DGKB: variants seen among roughly 807,000 people sequenced by gnomAD.
The protein encoded by DGKB is diacylglycerol kinase beta.
DGKB carries 67 observed loss-of-function variants against 114.3 expected under a neutral mutation model. The ratio of observed to expected loss-of-function variants is 0.59; its 90% CI spans 0.48 to 0.72. The LOEUF (loss-of-function observed/expected upper bound fraction) is 0.72, where lower values mean the gene tolerates loss of function less well. Ranked by LOEUF, DGKB falls within the 30% of genes least tolerant of loss-of-function variation. The pLI, the probability that DGKB is intolerant of heterozygous loss-of-function variation, is 0.00. For missense variants in DGKB, 907 were observed against 975.2 expected (o/e 0.93, Z 0.93); for synonymous variants, 398 against 323.1 (o/e 1.23, Z -2.49).
intron 12 of DGKB, among the ~76,000 whole-genome samples, chr7:14,675,308 G>A (rs1483991038): frequency 1.3e-5 from 2 of 152,060 alleles, no homozygotes; most frequent in African/African-American, 4.8e-5. Flanking sequence ...CTCCATCCAT[G>A]TGTTTCCAAC....
intron 23 of DGKB, among the ~76,000 whole-genome samples, chr7:14,289,744 CAAA>C (rs3067647): frequency 0.74 from 93,542 of 126,848 alleles, 33,536 homozygotes; most frequent in South Asian, 0.89. Flanking sequence ...AGACATGGAC[CAAA>C]AAAAAAAAAA....
At chr7:14,287,666 C>A (rs1263168453) in intron 23 of DGKB, among the ~76,000 whole-genome samples, 1 of 152,072 alleles carries the variant, frequency 6.6e-6, no homozygotes, top group Admixed American at 6.6e-5. Flanking sequence ...AGACTTCAAT[C>A]AAAGCTTTAA....
At chr7:14,284,394 C>G (rs898522938) in intron 23 of DGKB, among the ~76,000 whole-genome samples, 9 of 144,306 alleles carry the variant, frequency 6.2e-5, no homozygotes, top group Admixed American at 2.7e-4. Flanking sequence ...GAAATAGGAA[C>G]ACTTTTACAC....
At chr7:14,323,901 T>C (rs958902455) in intron 23 of DGKB, among the ~76,000 whole-genome samples, 5 of 152,188 alleles carry the variant, frequency 3.3e-5, no homozygotes, top group African/African-American at 1.2e-4. Context: ...CTATTAGCCT[T>C]AGAAAACAAC....
chr7:14,472,227 G>T (rs779165093), intron 21 of DGKB, among the ~76,000 whole-genome samples: 1 of 152,144 alleles, frequency 6.6e-6, no homozygotes, highest in African/African-American at 2.4e-5. Context: ...TCCACATGTT[G>T]TGTGAGGTAC....
At chr7:14,293,449 TG>T (rs1191522912) in intron 23 of DGKB, among the ~76,000 whole-genome samples, 1 of 152,194 alleles carries the variant, frequency 6.6e-6, no homozygotes, top group Non-Finnish European at 1.5e-5. Flanking sequence ...AACATACCTG[TG>T]TCTGATTTAT....
chr7:14,793,023 C>T (rs942174320), intron 2 of DGKB, among the ~76,000 whole-genome samples: 2 of 152,028 alleles, frequency 1.3e-5, no homozygotes, highest in African/African-American at 2.4e-5. Flanking sequence ...CAAAAAAAGT[C>T]GTCTGAGGCA....
intron 23 of DGKB, among the ~76,000 whole-genome samples, chr7:14,258,023 T>G (rs772659662): frequency 5.9e-5 from 9 of 152,222 alleles, no homozygotes; most frequent in Non-Finnish European, 1.2e-4. Flanking sequence ...CCAATCAATG[T>G]GTCTGGCCTA....
At chr7:14,958,583 T>C (rs565787409) in intron 1 of DGKB, among the ~76,000 whole-genome samples, 1 of 152,162 alleles carries the variant, frequency 6.6e-6, no homozygotes, top group East Asian at 1.9e-4. Context: ...TATGACCAAA[T>C]GTCCCAAAAA....
At chr7:14,732,430 A>T (rs1244066964) in intron 5 of DGKB, among the ~76,000 whole-genome samples, 3 of 152,168 alleles carry the variant, frequency 2.0e-5, no homozygotes, top group African/African-American at 7.2e-5. Context: ...GCAAAGCAAG[A>T]TTCTATGAAT....
At chr7:14,297,317 C>A (rs888695277) in intron 23 of DGKB, among the ~76,000 whole-genome samples, 2 of 152,122 alleles carry the variant, frequency 1.3e-5, no homozygotes, top group African/African-American at 4.8e-5. Flanking sequence ...AAAATACTGG[C>A]AAACCAAATC....
chr7:14,290,171 GC>G (rs1404757436), intron 23 of DGKB, among the ~76,000 whole-genome samples: 1 of 152,132 alleles, frequency 6.6e-6, no homozygotes, highest in African/African-American at 2.4e-5. Context: ...AAAGCTGTGT[GC>G]CTCATTCCAA....
intron 23 of DGKB, among the ~76,000 whole-genome samples, chr7:14,325,447 G>C (rs77069971): frequency 0.017 from 2,516 of 152,218 alleles, 78 homozygotes; most frequent in African/African-American, 0.056. Context: ...CAAATGAGTA[G>C]ACAAGACAGC....
chr7:14,728,538 C>A (rs1400046930), intron 5 of DGKB, among the ~76,000 whole-genome samples: 2 of 152,104 alleles, frequency 1.3e-5, no homozygotes, highest in Non-Finnish European at 2.9e-5. Context: ...GGCCCTCTTT[C>A]CTCATTCCAC....
rs1297423085 is a variant in DGKB, at chr7:14,362,629, G to A, written c.1836-17238C>T. ...CTCTCTCCACCTCTTCTCATTCTTA[G>A]AGTGTATATACAATAAAAACCCAAA... On this transcript the variant is annotated intron_variant, in intron 21 of 25. Transcript: ENST00000402815. Among the ~76,000 whole-genome samples the A allele has an allele frequency of 4.2e-5, 6 of 142,302 alleles. No homozygotes were observed. The South Asian group carries it at 1.2e-3, about 28-fold the overall frequency. The allele number at this position is 142,302 out of a possible 152,430, so 93.4% of individuals were successfully genotyped here.
At chr7:14,534,827 T>C (rs1025968455) in intron 20 of DGKB, among the ~76,000 whole-genome samples, 3 of 152,198 alleles carry the variant, frequency 2.0e-5, no homozygotes, top group Admixed American at 6.5e-5. Flanking sequence ...TTTAAGAAGA[T>C]TGATTATTTC....
intron 20 of DGKB, among the ~76,000 whole-genome samples, chr7:14,567,892 C>A (rs1797831207): frequency 1.3e-5 from 2 of 152,004 alleles, no homozygotes; most frequent in South Asian, 4.1e-4. Flanking sequence ...AAGGCGTGAG[C>A]CACAGCACCC....
intron 2 of DGKB, among the ~76,000 whole-genome samples, chr7:14,827,672 T>A (rs1256051725): frequency 2.0e-5 from 3 of 152,140 alleles, no homozygotes; most frequent in African/African-American, 7.2e-5. Context: ...GCATTGTTTA[T>A]TTTTGAAATG....
At chr7:14,636,153 A>T (rs2128863311) in intron 13 of DGKB, among the ~76,000 whole-genome samples, 1 of 151,898 alleles carries the variant, frequency 6.6e-6, no homozygotes, top group African/African-American at 2.4e-5. Flanking sequence ...CTAAGATTCA[A>T]TTGAGTTAAA....
Sources: allele counts gnomAD v4.1 joint callset (sites outside exome capture counted in the v4.1 genomes callset), GRCh38; gene constraint gnomAD v4.1.1; transcripts MANE v1.5; gene names NCBI Gene and HGNC (gene_info 2026-07-23, HGNC 2026-07-21).